The following WHRN variants were observed in gnomAD, a reference collection of about 807,000 sequenced individuals.
WHRN encodes whirlin, also known as CASK-interacting protein CIP98.
WHRN carries 41 observed loss-of-function variants against 68.3 expected under a neutral mutation model. The observed-to-expected ratio is 0.60, with a 90% CI of 0.47 to 0.78. WHRN has a LOEUF of 0.78. WHRN is among the 30% of genes least tolerant of loss of function. WHRN has a pLI of 0.00. For synonymous variants in WHRN, 560 were observed against 561.3 expected (o/e 1.00, Z 0.03); for missense variants, 1,243 against 1,244.7 (o/e 1.00, Z 0.02).
chr9:114,482,005 T>C (rs546961061), intron 1 of WHRN, among the ~76,000 whole-genome samples: 1 of 152,288 alleles, frequency 6.6e-6, no homozygotes, highest in East Asian at 1.9e-4. Context: ...TGGCACACAG[T>C]AGGTCCTTAT....
At chr9:114,442,774 C>T (rs1838484892) in intron 3 of WHRN, among the ~76,000 whole-genome samples, 1 of 152,196 alleles carries the variant, frequency 6.6e-6, no homozygotes, top group Non-Finnish European at 1.5e-5. Flanking sequence ...AGGTCCTCAC[C>T]TAAAGCAGTT....
intron 2 of WHRN, among the ~76,000 whole-genome samples, chr9:114,474,620 A>G (rs987123399): frequency 6.6e-6 from 1 of 152,014 alleles, no homozygotes; most frequent in African/African-American, 2.4e-5. Context: ...CAAACCTAAA[A>G]TGCTGCCTCC....
At chr9:114,468,614 C>G (rs1001384080) in intron 2 of WHRN, among the ~76,000 whole-genome samples, 1 of 151,984 alleles carries the variant, frequency 6.6e-6, no homozygotes, top group African/African-American at 2.4e-5. Flanking sequence ...TGGGATGGGC[C>G]CAGCTGCCTT....
intron 1 of WHRN, among the ~76,000 whole-genome samples, chr9:114,484,069 G>C (rs1294350074): frequency 2.6e-5 from 4 of 152,190 alleles, no homozygotes; most frequent in Admixed American, 6.5e-5. Context: ...TCCAGAGCCT[G>C]GGGGCTCTGA....
intron 4 of WHRN, 49 bp from the exon 5 acceptor site, chr9:114,425,073 T>C: frequency 1.3e-6 from 2 of 1,597,462 alleles, no homozygotes; most frequent in Non-Finnish European, 1.7e-6. Flanking sequence ...GCAGATCAAA[T>C]GGGCGTGGGC....
chr9:114,493,946 C>T (rs973517989), intron 1 of WHRN, among the ~76,000 whole-genome samples: 8 of 152,222 alleles, frequency 5.3e-5, no homozygotes, highest in Non-Finnish European at 8.8e-5. Context: ...CGTGCTTCTC[C>T]GTTAGCAGCC....
chr9:114,453,419 C>T (rs1366058635), intron 3 of WHRN, among the ~76,000 whole-genome samples: 1 of 152,092 alleles, frequency 6.6e-6, no homozygotes, highest in African/African-American at 2.4e-5. Flanking sequence ...ACATGAGATT[C>T]GGAGAGGACA....
chr9:114,499,133 T>C (rs149369678), intron 1 of WHRN, among the ~76,000 whole-genome samples: 224 of 152,262 alleles, frequency 1.5e-3, no homozygotes, highest in African/African-American at 5.2e-3. Context: ...AATAGTCTAT[T>C]GAAAAAATAA....
At chr9:114,430,889 CA>C (rs1837363623) in intron 3 of WHRN, among the ~76,000 whole-genome samples, 1 of 152,218 alleles carries the variant, frequency 6.6e-6, no homozygotes, top group African/African-American at 2.4e-5. Flanking sequence ...GGACTGGCTT[CA>C]GGGTCTCCAC....
intron 1 of WHRN, among the ~76,000 whole-genome samples, chr9:114,483,687 C>T (rs1000638781): frequency 5.9e-5 from 9 of 152,240 alleles, no homozygotes; most frequent in African/African-American, 2.2e-4. Flanking sequence ...CCCAGCAGGT[C>T]CCTGTTGTGC....
rs2132209014 is a variant in WHRN at position 114,406,383 on chromosome 9, A to G, written c.2208T>C (p.Asn736=). 6.2e-7 allele frequency: 1 copy of G among 1,613,990 alleles called. No homozygotes were observed. The highest frequency in any genetic ancestry group is 8.5e-7 in the Non-Finnish European group (1 of 1,180,014). The change falls in exon 9 of 12, where the codon AAT becomes AAC. Residue 736 remains asparagine (N), a synonymous_variant. Coordinates refer to ENST00000362057, the MANE Select transcript of WHRN (RefSeq NM_015404.4). ...GCGTCTGGGGCAGCGCCCTCACTTCATTGACGTCTGGCTCGCTGTCGGGGC... is the reference window on the plus strand; with the variant it reads ...GCGTCTGGGGCAGCGCCCTCACTTCGTTGACGTCTGGCTCGCTGTCGGGGC... The part of the protein sequence containing the change: ...VHRPDSEPDV[N]EVRALPQTRT...
At chr9:114,465,204 G>A (rs1306040996) in intron 3 of WHRN, among the ~76,000 whole-genome samples, 1 of 152,200 alleles carries the variant, frequency 6.6e-6, no homozygotes, top group Non-Finnish European at 1.5e-5. Context: ...ACTCCAGCCT[G>A]TCTGCCATGA....
At chr9:114,425,197 G>A (rs528414929) in intron 4 of WHRN, 173 bp from the exon 5 acceptor site, 9 of 744,716 alleles carry the variant, frequency 1.2e-5, no homozygotes, top group East Asian at 5.2e-5. Context: ...AGGAAACTCC[G>A]GACAGACTGG....
At chr9:114,468,110 A>G (rs549532150) in intron 2 of WHRN, among the ~76,000 whole-genome samples, 2 of 152,284 alleles carry the variant, frequency 1.3e-5, no homozygotes, top group South Asian at 4.1e-4. Context: ...TGTGACCTTG[A>G]GCAAGTTACT....
intron 11 of WHRN, 74 bp from the exon 12 acceptor site, chr9:114,403,010 G>T (rs1334943816): frequency 6.4e-7 from 1 of 1,552,002 alleles, no homozygotes; most frequent in African/African-American, 1.4e-5. Flanking sequence ...AACTGGGTCA[G>T]TCCCAACACT....
chr9:114,470,943 A>T (rs1841165259), intron 2 of WHRN, among the ~76,000 whole-genome samples: 1 of 152,094 alleles, frequency 6.6e-6, no homozygotes, highest in Non-Finnish European at 1.5e-5. Flanking sequence ...CCATGTCTGC[A>T]GCAGCCCACT....
At chr9:114,423,166 C>T in intron 7 of WHRN, 148 bp downstream of exon 7, 1 of 839,944 alleles carries the variant, frequency 1.2e-6, no homozygotes, top group Admixed American at 2.0e-5. Context: ...TAGGTTTTTA[C>T]AGAGGAAGAA....
intron 6 of WHRN, among the ~76,000 whole-genome samples, chr9:114,423,917 G>A (rs1406218659): frequency 6.6e-6 from 1 of 152,082 alleles, no homozygotes; most frequent in African/African-American, 2.4e-5. Context: ...CTCTTCCTTT[G>A]TACAGTTTCT....
rs182761443 is a variant in WHRN at position 114,457,078 on chromosome 9, T to C, written c.963+9189A>G. ...AGAGATGAATACATACAGATACGGG[T>C]ATGTGTGCATGCATGAGTCATTATA... On this transcript the variant is annotated intron_variant, in intron 3 of 11. Transcript: ENST00000362057. Among the ~76,000 whole-genome samples, 237 of 152,286 alleles carry C rather than the reference T, an allele frequency of 1.6e-3. 2 individuals are homozygous for C. Among genetic ancestry groups the C allele is most frequent in the African/African-American group, 5.5e-3 (227 of 41,554 alleles).
Sources: allele counts gnomAD v4.1 joint callset (sites outside exome capture counted in the v4.1 genomes callset), GRCh38; gene constraint gnomAD v4.1.1; transcripts MANE v1.5; gene names NCBI Gene and HGNC (gene_info 2026-07-23, HGNC 2026-07-21).